The following PAK6 variants were observed in gnomAD, a reference collection of about 807,000 sequenced individuals.
PAK6 encodes serine/threonine-protein kinase PAK 6.
Under a neutral mutation model 60.8 loss-of-function variants are expected in PAK6, and 33 were observed. That is an observed-to-expected ratio of 0.54 (90% confidence interval 0.41 to 0.73). The LOEUF (loss-of-function observed/expected upper bound fraction) is 0.73, where lower values mean the gene tolerates loss of function less well. Ranked by LOEUF, PAK6 falls within the 30% of genes least tolerant of loss-of-function variation. The pLI, the probability that PAK6 is intolerant of heterozygous loss-of-function variation, is 0.00. For synonymous variants in PAK6, 404 were observed against 378.5 expected (o/e 1.07, Z -0.78); for missense variants, 845 against 904.1 (o/e 0.93, Z 0.84).
chr15:40,239,122 G>A (rs984080186), upstream of PAK6: 1 of 152,218 alleles, frequency 6.6e-6, no homozygotes, highest in African/African-American at 2.4e-5. Context: ...AGGATTTAAT[G>A]GAGAAATCCC....
chr15:40,267,765 GA>G (rs1448790558), intron 5 of PAK6, among the ~76,000 whole-genome samples: 8 of 152,332 alleles, frequency 5.3e-5, no homozygotes, highest in African/African-American at 1.9e-4. Context: ...ATGTATCTGT[GA>G]GAGGAACACG....
chr15:40,249,729 G>C (rs1204450635), intron 2 of PAK6, among the ~76,000 whole-genome samples: 1 of 152,244 alleles, frequency 6.6e-6, no homozygotes, highest in East Asian at 1.9e-4. Context: ...CCTAGCCCGA[G>C]CACTCAGCCC....
chr15:40,266,375 C>T (rs1347103257), exon 5 of PAK6: 35 of 1,612,746 alleles, frequency 2.2e-5, no homozygotes, highest in Non-Finnish European at 3.0e-5. Context: ...GGGAAGGCAG[C>T]CCTAGCCCTA....
rs570158643 is a variant in PAK6 at position 40,254,297 on chromosome 15, G to T, written c.-6+1008G>T. Among the ~76,000 whole-genome samples, 19 of 152,292 alleles carry T rather than the reference G, an allele frequency of 1.2e-4. No homozygotes were observed. The East Asian group carries it at 2.7e-3, about 22-fold the overall frequency. On this transcript the variant is annotated intron_variant, in intron 3 of 10. Transcript: ENST00000560346. Reference sequence around the variant, plus strand: ...GTTGGGAAGGGCTAAGCCACTCCAAGTTCTCCCATCCTGGAGAGCTTTGAG... The same window carrying T: ...GTTGGGAAGGGCTAAGCCACTCCAATTTCTCCCATCCTGGAGAGCTTTGAG...
In PAK6 at chr15:40,272,983, A is replaced by G. The variant is rs140245743; in HGVS notation, c.1474A>G (p.Ile492Val). 29 of 1,613,650 alleles carry G rather than the reference A, an allele frequency of 1.8e-5. No individual in the cohort carries two copies. The African/African-American group carries it at 1.9e-4, about 10-fold the overall frequency. ...CCTGCAGGGAGGAGCCCTCACAGAC[A>G]TCGTCTCCCAAGTCAGGTGGGCAGC... The change falls in exon 7 of 11, where the codon ATC becomes GTC. Residue 492 changes from isoleucine (I) to valine (V), a missense_variant. Ile to Val is a conservative substitution (Grantham distance 29, BLOSUM62 3). Transcript: ENST00000560346.
intron 3 of PAK6, among the ~76,000 whole-genome samples, chr15:40,254,789 CA>C: frequency 6.6e-6 from 1 of 152,346 alleles, no homozygotes; most frequent in East Asian, 1.9e-4. Flanking sequence ...ATCTGTAAAA[CA>C]GAGCTCGCAG....
chr15:40,261,536 C>CA lies in PAK6; in HGVS notation c.-5-3239dup, dbSNP rs527265025. Reference sequence around the variant, plus strand: ...CGGGCAAGACAGCGAGACTCCATCTCAAAAAATATATATATATATATTGAC... The same window carrying CA: ...CGGGCAAGACAGCGAGACTCCATCTCAAAAAAATATATATATATATATTGAC... On this transcript the variant is annotated intron_variant, in intron 3 of 10. Coordinates refer to ENST00000560346, the Ensembl canonical transcript of PAK6. 4.7e-3 allele frequency among the ~76,000 whole-genome samples: 707 copies of CA among 151,912 alleles called. 7 individuals carry two copies. The highest frequency in any genetic ancestry group is 0.017 in the African/African-American group (691 of 41,438).
At chr15:40,257,471 C>A (rs913373377) in intron 3 of PAK6, among the ~76,000 whole-genome samples, 2 of 142,622 alleles carry the variant, frequency 1.4e-5, no homozygotes, top group Non-Finnish European at 2.9e-5. Context: ...TGGGTGACCA[C>A]GTGGGATACC....
intron 3 of PAK6, among the ~76,000 whole-genome samples, chr15:40,264,082 G>A (rs1458285352): frequency 2.6e-5 from 4 of 152,152 alleles, no homozygotes; most frequent in African/African-American, 9.7e-5. Flanking sequence ...TAAAGCACAT[G>A]GTAACCATGA....
Position 40,275,280 on chromosome 15 carries a change from G to GTTTTCTT in PAK6, c.1879-643_1879-642insCTTTTTT, listed in dbSNP as rs1448905930. Reference sequence around the variant, plus strand: ...GACTTGTTTGTTTCTGTTGTTGTTGGTTTTTTTTTTTTTTTTTTTTTTGGA... The same window carrying GTTTTCTT: ...GACTTGTTTGTTTCTGTTGTTGTTGGTTTTCTTTTTTTTTTTTTTTTTTTTTTTTGGA... On this transcript the variant is annotated intron_variant, in intron 10 of 10. Coordinates refer to ENST00000560346, the Ensembl canonical transcript of PAK6. Among the ~76,000 whole-genome samples the GTTTTCTT allele has an allele frequency of 3.8e-3, 215 of 56,500 alleles. 25 individuals are homozygous for GTTTTCTT. The highest frequency in any genetic ancestry group is 0.011 in the Admixed American group (40 of 3,534). The allele number at this position is 56,500 out of a possible 152,430, so 37.1% of individuals were successfully genotyped here.
In PAK6 at chr15:40,272,733, G is replaced by C. The variant is rs768710389; in HGVS notation, c.1356+12G>C. On this transcript the variant is annotated intron_variant, in intron 6 of 10. Coordinates refer to ENST00000560346, the Ensembl canonical transcript of PAK6. ...TGCTCTTCAACGAGGTGGGAGGACA[G>C]GGTGGGACACAGACGGGGGCGTTGG... The C allele has an allele frequency of 6.3e-7, 1 of 1,582,644 alleles. No homozygotes were observed. Among genetic ancestry groups the C allele is most frequent in the Non-Finnish European group, 8.6e-7 (1 of 1,165,764 alleles).
exon 11 of PAK6, chr15:40,276,317 G>T (rs2039454113): frequency 3.5e-6 from 2 of 563,462 alleles, no homozygotes; most frequent in African/African-American, 1.9e-5. Context: ...CCTTTCTACA[G>T]GATGACCCCT....
At chr15:40,274,269 C>A in exon 10 of PAK6, 1 of 1,605,886 alleles carries the variant, frequency 6.2e-7, no homozygotes, top group Non-Finnish European at 8.5e-7. Flanking sequence ...CTGAAAAACT[C>A]TCACAAGGTC....
At chr15:40,273,705 C>T in intron 9 of PAK6, 29 bp downstream of exon 9, 2 of 1,605,296 alleles carry the variant, frequency 1.2e-6, no homozygotes, top group Non-Finnish European at 1.7e-6. Flanking sequence ...CCCCAGACCT[C>T]CCAAAAGCAA....
At chr15:40,268,109 C>G (rs2039197211) in intron 5 of PAK6, among the ~76,000 whole-genome samples, 1 of 152,208 alleles carries the variant, frequency 6.6e-6, no homozygotes. Flanking sequence ...CTTGTGGGAG[C>G]AGGCGGTAGT....
At chr15:40,275,369 T>G (rs1195721272) in intron 10 of PAK6, among the ~76,000 whole-genome samples, 2 of 137,966 alleles carry the variant, frequency 1.4e-5, no homozygotes, top group Non-Finnish European at 3.1e-5. Flanking sequence ...CACTGCAACC[T>G]CCGCCTCCTG....
At chr15:40,275,521 G>A (rs982722269) in intron 10 of PAK6, among the ~76,000 whole-genome samples, 4 of 151,934 alleles carry the variant, frequency 2.6e-5, no homozygotes, top group Admixed American at 6.6e-5. Context: ...TCCTGACCTC[G>A]TAATCTGCCC....
At position 40,272,845 on chromosome 15, in the gene PAK6, C is replaced by G. The variant is rs770146497; in HGVS notation, c.1357-21C>G. ...GCGTCTGGGCACTGTGCCTGGCACTCAGGCCCCCGCCTGCCCCCAGGTGGT... is the reference window on the plus strand; with the variant it reads ...GCGTCTGGGCACTGTGCCTGGCACTGAGGCCCCCGCCTGCCCCCAGGTGGT... On this transcript the variant is annotated intron_variant, in intron 6 of 10. Coordinates refer to ENST00000560346, the Ensembl canonical transcript of PAK6. 7 of 1,611,252 alleles carry G rather than the reference C, an allele frequency of 4.3e-6. No individual in the cohort carries two copies. The African/African-American group carries it at 8.0e-5, about 18-fold the overall frequency.
At chr15:40,242,170 G>A (rs1375784459) in intron 2 of PAK6, among the ~76,000 whole-genome samples, 1 of 152,144 alleles carries the variant, frequency 6.6e-6, no homozygotes. Context: ...GGGTCCTGAG[G>A]GCTCAGGGAG....
Sources: allele counts gnomAD v4.1 joint callset (sites outside exome capture counted in the v4.1 genomes callset), GRCh38; gene constraint gnomAD v4.1.1; transcripts MANE v1.5; gene names NCBI Gene and HGNC (gene_info 2026-07-23, HGNC 2026-07-21).